The following TMEM132C variants were observed in gnomAD, a reference collection of about 807,000 sequenced individuals.
TMEM132C encodes the protein protein phosphatase 1, regulatory subunit 152.
TMEM132C carries 29 observed loss-of-function variants against 61.4 expected under a neutral mutation model. The ratio of observed to expected loss-of-function variants is 0.47; its 90% CI spans 0.35 to 0.64. The LOEUF (loss-of-function observed/expected upper bound fraction) is 0.64. TMEM132C is among the 30% of genes least tolerant of loss of function. TMEM132C has a pLI of 0.00. For synonymous variants in TMEM132C, 656 were observed against 633.1 expected, an observed-to-expected ratio of 1.04 and a Z score of -0.54; for missense variants, 1,408 against 1,476.9, an observed-to-expected ratio of 0.95 and a Z score of 0.76.
intron 1 of TMEM132C, among the ~76,000 whole-genome samples, chr12:128,377,439 T>C (rs1362172808): frequency 6.6e-6 from 1 of 152,206 alleles, no homozygotes; most frequent in African/African-American, 2.4e-5. Context: ...AGGTTGGGAT[T>C]CTATTGCACC....
At chr12:128,506,373 A>T (rs1449047664) in intron 2 of TMEM132C, among the ~76,000 whole-genome samples, 1 of 152,186 alleles carries the variant, frequency 6.6e-6, no homozygotes, top group Non-Finnish European at 1.5e-5. Flanking sequence ...TCAAGTCAAC[A>T]TGTGGGAGAT....
At chr12:128,281,985 G>A (rs755089575) in intron 1 of TMEM132C, among the ~76,000 whole-genome samples, 1 of 152,172 alleles carries the variant, frequency 6.6e-6, no homozygotes, top group African/African-American at 2.4e-5. Context: ...TTCCTCCTGA[G>A]GCTGACACCT....
intron 2 of TMEM132C, among the ~76,000 whole-genome samples, chr12:128,498,832 A>T (rs191819371): frequency 6.6e-6 from 1 of 152,256 alleles, no homozygotes; most frequent in African/African-American, 2.4e-5. Flanking sequence ...GAAGACTTGT[A>T]CCCTGAAAAC....
At chr12:128,603,822 C>T (rs934289182) in intron 3 of TMEM132C, among the ~76,000 whole-genome samples, 1 of 151,912 alleles carries the variant, frequency 6.6e-6, no homozygotes, top group Non-Finnish European at 1.5e-5. Flanking sequence ...CTAGAGTGTC[C>T]ACAAGCAGCA....
intron 3 of TMEM132C, among the ~76,000 whole-genome samples, chr12:128,582,548 G>T (rs1875382249): frequency 6.6e-6 from 1 of 152,004 alleles, no homozygotes; most frequent in Non-Finnish European, 1.5e-5. Flanking sequence ...GACTTGGTGG[G>T]AGATAACTGA....
In TMEM132C at chr12:128,506,364, C is replaced by G. The variant is rs900595234; in HGVS notation, c.975-37593C>G. ...TTCCTTCCAAAAAGAGGCAGGTGCT[C>G]AAGTCAACATGTGGGAGATGTTTGG... On this transcript the variant is annotated intron_variant, in intron 2 of 8. Transcript: ENST00000435159. Among the ~76,000 whole-genome samples the G allele has an allele frequency of 4.6e-5, 7 of 152,182 alleles. No homozygotes were observed. The South Asian group carries it at 1.2e-3, about 27-fold the overall frequency.
chr12:128,677,339 TAGAAC>T (rs1441742669), intron 5 of TMEM132C, among the ~76,000 whole-genome samples: 2 of 152,102 alleles, frequency 1.3e-5, no homozygotes, highest in Non-Finnish European at 2.9e-5. Flanking sequence ...AGCAATTAAA[TAGAAC>T]AGAAGCGGTC....
intron 4 of TMEM132C, among the ~76,000 whole-genome samples, chr12:128,660,958 G>A (rs1008448155): frequency 6.6e-5 from 10 of 152,310 alleles, no homozygotes; most frequent in African/African-American, 2.4e-4. Flanking sequence ...AAAGAAGATA[G>A]ATTAGATAGC....
At chr12:128,371,955 G>A (rs1874040271) in intron 1 of TMEM132C, among the ~76,000 whole-genome samples, 2 of 152,098 alleles carry the variant, frequency 1.3e-5, no homozygotes, top group Admixed American at 1.3e-4. Context: ...GTACAATTCA[G>A]TGACATTTAG....
At chr12:128,533,642 A>G (rs1017836245) in intron 2 of TMEM132C, among the ~76,000 whole-genome samples, 1 of 152,014 alleles carries the variant, frequency 6.6e-6, no homozygotes, top group Non-Finnish European at 1.5e-5. Flanking sequence ...AACACTAGTC[A>G]CTGAATTGGA....
At chr12:128,413,321 A>AAAAAAAT (rs1868635286) in intron 1 of TMEM132C, among the ~76,000 whole-genome samples, 1 of 149,944 alleles carries the variant, frequency 6.7e-6, no homozygotes, top group Admixed American at 6.7e-5. Context: ...AAAAAAAAAA[A>AAAAAAAT]CCAATGTTGC....
intron 2 of TMEM132C, among the ~76,000 whole-genome samples, chr12:128,497,809 C>G (rs769865476): frequency 3.3e-5 from 5 of 152,190 alleles, no homozygotes; most frequent in Non-Finnish European, 7.3e-5. Context: ...CCTGCTTTGG[C>G]TCACACTCGG....
chr12:128,628,913 C>A (rs1270615549), intron 4 of TMEM132C, among the ~76,000 whole-genome samples: 1 of 152,188 alleles, frequency 6.6e-6, no homozygotes, highest in African/African-American at 2.4e-5. Flanking sequence ...AGCTGTCAGC[C>A]TTTATTCTAC....
chr12:128,415,627 G>A lies in TMEM132C; in HGVS notation c.974+7G>A. ...TGGACCTCTTCATCTTGAGGTAGGTGCCCATGCTTGCCCCTGATCATCTTT... is the reference window on the plus strand; with the variant it reads ...TGGACCTCTTCATCTTGAGGTAGGTACCCATGCTTGCCCCTGATCATCTTT... On this transcript the variant is annotated splice_region_variant and intron_variant, in intron 2 of 8. Transcript: ENST00000435159. The surrounding 1 kb of genome is among the most constrained non-coding windows in gnomAD (Gnocchi z 5.8). 6.6e-7 allele frequency: 1 copy of A among 1,507,426 alleles called. No homozygotes were observed. Among genetic ancestry groups the A allele is most frequent in the Non-Finnish European group, 8.9e-7 (1 of 1,121,664 alleles). The allele number at this position is 1,507,426 out of a possible 1,614,324, so 93.4% of individuals were successfully genotyped here. A position where few individuals can be genotyped will look rare whatever the true frequency, so the allele number is the denominator to read the frequency against.
chr12:128,625,854 C>G (rs939539535), intron 4 of TMEM132C, among the ~76,000 whole-genome samples: 4 of 152,176 alleles, frequency 2.6e-5, no homozygotes, highest in African/African-American at 9.7e-5. Flanking sequence ...AACCCATCAC[C>G]TTGGGGGTTG....
chr12:128,457,522 G>A (rs1452198880), intron 2 of TMEM132C, among the ~76,000 whole-genome samples: 1 of 150,570 alleles, frequency 6.6e-6, no homozygotes, highest in Non-Finnish European at 1.5e-5. Flanking sequence ...CTTGCAGTGA[G>A]CCGAGATCGC....
intron 3 of TMEM132C, among the ~76,000 whole-genome samples, chr12:128,610,280 C>T (rs558260062): frequency 1.2e-4 from 19 of 152,284 alleles, no homozygotes; most frequent in South Asian, 6.2e-4. Context: ...TTTCTTTCTG[C>T]GGGCACTAAG....
intron 2 of TMEM132C, among the ~76,000 whole-genome samples, chr12:128,476,048 G>A (rs1871143710): frequency 6.6e-6 from 1 of 152,188 alleles, no homozygotes; most frequent in Admixed American, 6.5e-5. Flanking sequence ...CTGGGCCCTA[G>A]GACGTGAGCT....
At chr12:128,618,567 G>A (rs7980745) in intron 4 of TMEM132C, among the ~76,000 whole-genome samples, 30,864 of 152,108 alleles carry the variant, frequency 0.2, 3,295 homozygotes, top group South Asian at 0.32. Flanking sequence ...ATTCCCACAT[G>A]TTGTGGGAGG....
Sources: gnomAD v4.1 joint callset for allele counts (sites outside exome capture counted in the v4.1 genomes callset) on GRCh38, gnomAD v4.1.1 for gene constraint, Gnocchi (gnomAD v3.1) non-coding constraint, MANE v1.5 for transcripts, NCBI Gene and HGNC (gene_info 2026-07-23, HGNC 2026-07-21) for gene names.